The following SENP6 variants were observed in gnomAD, a reference collection of about 807,000 sequenced individuals.
SENP6 encodes sentrin-specific protease 6.
In SENP6, 41 loss-of-function variants were observed where a neutral mutation model predicts 134.5. The ratio of observed to expected loss-of-function variants is 0.30; its 90% CI spans 0.24 to 0.40. The LOEUF (loss-of-function observed/expected upper bound fraction) is 0.40. SENP6 is among the 10% of genes least tolerant of loss of function. The pLI, the probability that SENP6 is intolerant of heterozygous loss-of-function variation, is 1.00. For synonymous variants in SENP6, 395 were observed against 429.8 expected, an observed-to-expected ratio of 0.92 and a Z score of 1.00; for missense variants, 1,248 against 1,312.5, an observed-to-expected ratio of 0.95 and a Z score of 0.76.
chr6:75,643,989 G>A (rs974431885), intron 6 of SENP6: 1 of 152,040 alleles, frequency 6.6e-6, no homozygotes, highest in African/African-American at 2.4e-5. Flanking sequence ...TCCACTAAAA[G>A]GAATTTGGAG....
chr6:75,684,663 T>G (rs1456107393), intron 16 of SENP6, among the ~76,000 whole-genome samples: 2 of 152,190 alleles, frequency 1.3e-5, no homozygotes, highest in Non-Finnish European at 2.9e-5. Context: ...AATCATGTGG[T>G]TTTTGTCATT....
chr6:75,666,190 ATAAAACGTATATATGATATATATAAG>A (rs1772218195), intron 9 of SENP6, among the ~76,000 whole-genome samples: 2 of 146,192 alleles, frequency 1.4e-5, no homozygotes, highest in Non-Finnish European at 3.0e-5. Context: ...TATGATATAT[ATAAAACGTATATATGATATATATAAG>A]TATGATATAT....
At position 75,716,101 on chromosome 6, in the gene SENP6, A is replaced by G. The variant is rs1582924376; in HGVS notation, c.*507A>G. On this transcript the variant is annotated 3_prime_UTR_variant, in exon 24 of 24. Coordinates refer to ENST00000447266, the MANE Select transcript of SENP6 (RefSeq NM_015571.4). ...ATCTTTATATGCTTGTGTAACAGGA[A>G]CAAAGTAACAGCCTTTCAATTCATA... 1 of 152,268 alleles carries G rather than the reference A, an allele frequency of 6.6e-6. No individual in the cohort carries two copies. The highest frequency in any genetic ancestry group is 2.4e-5 in the African/African-American group (1 of 41,444). 9.4% of individuals were successfully genotyped at this position (152,268 alleles called of 1,614,324 possible). A position where few individuals can be genotyped will look rare whatever the true frequency, so the allele number is the denominator to read the frequency against.
chr6:75,657,584 T>C (rs1262126119), intron 7 of SENP6, among the ~76,000 whole-genome samples: 3 of 152,212 alleles, frequency 2.0e-5, no homozygotes. Flanking sequence ...TGTCATATAG[T>C]TTTATGTTTC....
At chr6:75,649,863 A>T (rs1008148621) in intron 7 of SENP6, among the ~76,000 whole-genome samples, 14 of 152,320 alleles carry the variant, frequency 9.2e-5, no homozygotes, top group Admixed American at 2.6e-4. Flanking sequence ...AAATTTGCAA[A>T]TTTAATACAG....
intron 4 of SENP6, 121 bp from the exon 5 acceptor site, chr6:75,634,586 A>G: frequency 1.8e-6 from 1 of 545,534 alleles, no homozygotes; most frequent in Non-Finnish European, 3.1e-6. Context: ...TTTATCCATA[A>G]ATTTTTTGTT....
chr6:75,704,747 C>T (rs1394118326), intron 19 of SENP6, among the ~76,000 whole-genome samples: 1 of 152,208 alleles, frequency 6.6e-6, no homozygotes, highest in African/African-American at 2.4e-5. Context: ...TTGGACAATA[C>T]CCAGCTTTCC....
Position 75,602,517 on chromosome 6 carries a change from G to C in SENP6, c.-8G>C. 1 of 1,551,398 alleles carries C rather than the reference G, an allele frequency of 6.4e-7. No individual in the cohort carries two copies. Among genetic ancestry groups the C allele is most frequent in the Non-Finnish European group, 8.7e-7 (1 of 1,146,936 alleles). On this transcript the variant is annotated 5_prime_UTR_variant, in exon 1 of 24. Coordinates refer to ENST00000447266, the MANE Select transcript of SENP6 (RefSeq NM_015571.4). ...GGATTAAGAAGGAGGCGGCGTGGGA[G>C]GAGGAAGATGGCGGCCGGCAAGAGC...
chr6:75,670,506 C>A, intron 10 of SENP6, 47 bp from the exon 11 acceptor site: 1 of 1,414,400 alleles, frequency 7.1e-7, no homozygotes. Context: ...TAGCTTGCAG[C>A]CTTATTTTAG....
At chr6:75,701,548 A>G (rs1775026848) in intron 18 of SENP6, among the ~76,000 whole-genome samples, 1 of 151,618 alleles carries the variant, frequency 6.6e-6, no homozygotes, top group Non-Finnish European at 1.5e-5. Context: ...ACACAGTAAC[A>G]GTAAAAAGAA....
intron 8 of SENP6, among the ~76,000 whole-genome samples, chr6:75,662,544 TAG>T (rs1456302110): frequency 1.3e-5 from 2 of 152,226 alleles, no homozygotes; most frequent in East Asian, 1.9e-4. Context: ...TTCTAGTTTT[TAG>T]AGAGTTAGGT....
In SENP6 at chr6:75,712,140, G is replaced by A. The variant is rs552992850; in HGVS notation, c.2909+724G>A. On this transcript the variant is annotated intron_variant, in intron 21 of 23. Transcript: ENST00000447266. ...CAGACGTAAGAGACATGTTCCAACT[G>A]AGAACTCCAAATAAGGGTGAGTCAG... Among the ~76,000 whole-genome samples, 11 of 152,264 alleles carry A rather than the reference G, an allele frequency of 7.2e-5. No individual in the cohort carries two copies. In the East Asian group the frequency reaches 1.9e-3, roughly 27 times the overall value.
At chr6:75,668,494 C>CA (rs537273295) in intron 10 of SENP6, among the ~76,000 whole-genome samples, 10 of 151,206 alleles carry the variant, frequency 6.6e-5, no homozygotes, top group Admixed American at 1.3e-4. Context: ...GAATAGAATT[C>CA]AAAAAAAATA....
chr6:75,678,121 A>C (rs1182382844), intron 14 of SENP6: 1 of 154,698 alleles, frequency 6.5e-6, no homozygotes, highest in East Asian at 1.9e-4. Flanking sequence ...ATGGACTCAA[A>C]CTTCAGAGGA....
At chr6:75,706,298 C>T (rs953102249) in intron 19 of SENP6, among the ~76,000 whole-genome samples, 10 of 152,016 alleles carry the variant, frequency 6.6e-5, no homozygotes, top group African/African-American at 9.7e-5. Context: ...TGTGCATATA[C>T]TAAAAAACAT....
In SENP6 at chr6:75,697,408, T is replaced by G. The variant is rs1774731306; in HGVS notation, c.2196-17T>G. The G allele has an allele frequency of 6.4e-7, 1 of 1,552,968 alleles. No individual in the cohort carries two copies. The highest frequency in any genetic ancestry group is 1.4e-5 in the African/African-American group (1 of 73,236). On this transcript the variant is annotated splice_polypyrimidine_tract_variant and intron_variant, in intron 17 of 23. Transcript: ENST00000447266. ...TAGAAATATTTCAGAAGCTTATAATTTATCTCTTTCTTACAGAATACAGCA... is the reference window on the plus strand; with the variant it reads ...TAGAAATATTTCAGAAGCTTATAATGTATCTCTTTCTTACAGAATACAGCA...
intron 5 of SENP6, among the ~76,000 whole-genome samples, chr6:75,637,034 C>T (rs1424870855): frequency 6.6e-6 from 1 of 152,120 alleles, no homozygotes; most frequent in Non-Finnish European, 1.5e-5. Flanking sequence ...GCATGCACCA[C>T]CGCACCAGGC....
At chr6:75,660,268 C>T (rs916364801) in intron 8 of SENP6, among the ~76,000 whole-genome samples, 7 of 152,150 alleles carry the variant, frequency 4.6e-5, no homozygotes, top group Admixed American at 2.6e-4. Flanking sequence ...TTGATTTTCA[C>T]ATTAATGATA....
At chr6:75,686,560 T>C (rs554220936) in intron 16 of SENP6, among the ~76,000 whole-genome samples, 13 of 152,348 alleles carry the variant, frequency 8.5e-5, no homozygotes, top group Non-Finnish European at 1.9e-4. Context: ...TGTTTAGTGC[T>C]TCTTTCAGGA....
Sources: gnomAD v4.1 joint callset for allele counts (sites outside exome capture counted in the v4.1 genomes callset) on GRCh38, gnomAD v4.1.1 for gene constraint, MANE v1.5 for transcripts, NCBI Gene and HGNC (gene_info 2026-07-23, HGNC 2026-07-21) for gene names.